Variants in SCN2A observed in about 807,000 individuals in gnomAD.
SCN2A encodes the protein sodium channel protein type 2 subunit alpha.
A neutral mutation model predicts 188.7 loss-of-function variants in SCN2A; 20 were observed. The observed-to-expected ratio is 0.11, with a 90% CI of 0.07 to 0.15. SCN2A has a LOEUF of 0.15. SCN2A is among the 10% of genes least tolerant of loss of function. The pLI is 1.00. For synonymous variants in SCN2A, 804 were observed against 833.1 expected, an observed-to-expected ratio of 0.97 and a Z score of 0.60; for missense variants, 1,278 against 2,445.0, an observed-to-expected ratio of 0.52 and a Z score of 10.07.
Position 165,314,001 on chromosome 2 carries a change from A to T in SCN2A, c.1276A>T (p.Met426Leu). ...AAATTTGATCTTGGCTGTGGTGGCC[A>T]TGGCCTATGAGGAACAGAATCAGGC... ...LINLILAVVA[M>L]AYEEQNQATL... The change falls in exon 10 of 27, where the codon ATG (methionine) becomes TTG (leucine). Residue 426 changes from methionine (M) to leucine (L), a missense_variant. By Grantham distance (15) the Met-to-Leu change is conservative (BLOSUM62 2). Transcript: ENST00000375437. The T allele has an allele frequency of 6.2e-7, 1 of 1,613,894 alleles. No individual in the cohort carries two copies. Among genetic ancestry groups the T allele is most frequent in the Non-Finnish European group, 8.5e-7 (1 of 1,179,832 alleles).
chr2:165,328,403 G>A, intron 13 of SCN2A: 1 of 832,526 alleles, frequency 1.2e-6, no homozygotes. Context: ...TGTCCCTCCA[G>A]GTAAATCTTT....
intron 15 of SCN2A, among the ~76,000 whole-genome samples, chr2:165,342,889 A>G (rs1329227703): frequency 6.6e-6 from 1 of 152,062 alleles, no homozygotes; most frequent in Admixed American, 6.5e-5. Flanking sequence ...GTCCCCGTAG[A>G]GGAAAGAGTT....
intron 1 of SCN2A, among the ~76,000 whole-genome samples, chr2:165,291,503 C>CTT (rs1444740926): frequency 1.0e-3 from 108 of 106,376 alleles, no homozygotes; most frequent in Non-Finnish European, 1.5e-3. Flanking sequence ...TTCTTTCTTT[C>CTT]TTTCTTTCTT....
At chr2:165,358,441 C>G (rs1048557659) in intron 17 of SCN2A, among the ~76,000 whole-genome samples, 8 of 152,096 alleles carry the variant, frequency 5.3e-5, no homozygotes, top group African/African-American at 1.7e-4. Flanking sequence ...TATTTATCTG[C>G]TTCATTTTAG....
chr2:165,389,875 T>A lies in SCN2A; in HGVS notation c.*51T>A. On this transcript the variant is annotated 3_prime_UTR_variant, in exon 27 of 27. Coordinates refer to ENST00000375437, the MANE Select transcript of SCN2A (RefSeq NM_001040142.2). The surrounding 1 kb of genome is among the most constrained non-coding windows in gnomAD (Gnocchi z 4.2). ...GTGATCAATTGTTTACAGCCCGTGA[T>A]GGTGATGTGTTTGTGTCAACAGGAC... is the stretch of plus-strand genomic sequence containing the variant. The A allele has an allele frequency of 6.5e-7, 1 of 1,545,896 alleles. No homozygotes were observed. Among genetic ancestry groups the A allele is most frequent in the South Asian group, 1.2e-5 (1 of 83,726 alleles).
chr2:165,247,737 T>C (rs1693909861), intron 1 of SCN2A, among the ~76,000 whole-genome samples: 1 of 152,218 alleles, frequency 6.6e-6, no homozygotes, highest in Non-Finnish European at 1.5e-5. Context: ...TGGCGTTAAA[T>C]GCCATATAAA....
At chr2:165,264,449 C>T (rs1694748606) in intron 1 of SCN2A, among the ~76,000 whole-genome samples, 2 of 151,996 alleles carry the variant, frequency 1.3e-5, no homozygotes, top group African/African-American at 2.4e-5. Flanking sequence ...AGGGACATAC[C>T]TTAAGGTAAT....
Position 165,390,163 on chromosome 2 carries a change from T to C in SCN2A, c.*339T>C. 4.0e-6 allele frequency: 1 copy of C among 252,380 alleles called. No homozygotes were observed. Among genetic ancestry groups the C allele is most frequent in the African/African-American group, 2.2e-5 (1 of 44,454 alleles). 15.6% of individuals were successfully genotyped at this position (252,380 alleles called of 1,614,324 possible). On this transcript the variant is annotated 3_prime_UTR_variant, in exon 27 of 27. Transcript: ENST00000375437. ...AAATTCAACATGTGACACTTGATAA[T>C]AGTAATTGTCACCAGTGTTTATGTT...
In SCN2A at chr2:165,320,869, C is replaced by T. The variant is rs1320383932; in HGVS notation, c.1672-2287C>T. Among the ~76,000 whole-genome samples, 48 of 152,162 alleles carry T rather than the reference C, an allele frequency of 3.2e-4. 1 individual carries two copies. The highest frequency in any genetic ancestry group is 1.9e-4 in the East Asian group (1 of 5,182). The stretch of plus-strand genomic sequence containing the variant: ...GCTGCTGCAAAGATCTCTGACATGC[C>T]CTGGAGACATTTTCTCCATTGTCTT... On this transcript the variant is annotated intron_variant, in intron 11 of 26. Transcript: ENST00000375437.
intron 13 of SCN2A, among the ~76,000 whole-genome samples, chr2:165,329,638 G>T (rs1047138690): frequency 6.6e-6 from 1 of 151,600 alleles, no homozygotes; most frequent in Non-Finnish European, 1.5e-5. Context: ...TTTGCTTCTC[G>T]TTATTTGCTA....
chr2:165,307,962 T>G, intron 4 of SCN2A, 25 bp downstream of exon 4: 1 of 1,446,072 alleles, frequency 6.9e-7, no homozygotes, highest in South Asian at 1.1e-5. Flanking sequence ...TTTTCAATAT[T>G]GACCTCCCTT....
chr2:165,323,157 C>A lies in SCN2A; in HGVS notation c.1673C>A (p.Ser558Tyr). 6.2e-7 allele frequency: 1 copy of A among 1,613,852 alleles called. No individual in the cohort carries two copies. Among genetic ancestry groups the A allele is most frequent in the Non-Finnish European group, 8.5e-7 (1 of 1,179,794 alleles). Residue 558 changes from serine to tyrosine, a missense_variant and splice_region_variant, in exon 12 of 27, where the codon TCC becomes TAC. This residue lies in a region of SCN2A where 315 missense variants were observed against 386.6 expected (regional missense o/e 0.81). Coordinates refer to ENST00000375437, the MANE Select transcript of SCN2A (RefSeq NM_001040142.2). ...TGTTTCTTCTCTTGTTATTCATAGT[C>A]CTTACTGAGCATCCGTGGCTCCCTT... ...YEKRFSSPHQ[S>Y]LLSIRGSLFS... is the part of the protein sequence containing the mutation.
At chr2:165,339,424 C>A (rs1056801863) in intron 14 of SCN2A, among the ~76,000 whole-genome samples, 3 of 150,676 alleles carry the variant, frequency 2.0e-5, no homozygotes, top group Admixed American at 6.6e-5. Flanking sequence ...GAAAAAAAAA[C>A]AAAACAAATA....
At chr2:165,306,155 T>C (rs1412984716) in intron 3 of SCN2A, among the ~76,000 whole-genome samples, 1 of 152,162 alleles carries the variant, frequency 6.6e-6, no homozygotes, top group Non-Finnish European at 1.5e-5. Flanking sequence ...GTCTCTTCTC[T>C]GTAAAGTAGA....
At chr2:165,283,056 T>C (rs1309786954) in intron 1 of SCN2A, among the ~76,000 whole-genome samples, 2 of 151,988 alleles carry the variant, frequency 1.3e-5, no homozygotes, top group African/African-American at 2.4e-5. Flanking sequence ...CAGAAGCAAA[T>C]CATAGAAGTA....
chr2:165,246,453 A>G (rs537251972), intron 1 of SCN2A, among the ~76,000 whole-genome samples: 22 of 152,108 alleles, frequency 1.4e-4, no homozygotes, highest in Non-Finnish European at 8.8e-5. Flanking sequence ...TCCTTCCTTC[A>G]TACATCCTAC....
rs1215326426 is a variant in SCN2A at position 165,344,580 on chromosome 2, C to T, written c.2588C>T (p.Ser863Phe). Residue 863 changes from serine to phenylalanine, a missense_variant, in exon 16 of 27, where the codon TCT (serine) becomes TTT (phenylalanine). Around this residue, in one of 17 missense-constraint regions of SCN2A, gnomAD observed 83 missense variants for 256.8 expected, o/e 0.32. Coordinates refer to ENST00000375437, the MANE Select transcript of SCN2A (RefSeq NM_001040142.2). ...RLLRVFKLAK[S>F]WPTLNMLIKI... ...CTCCGAGTTTTCAAGTTGGCAAAATCTTGGCCAACTCTAAATATGCTAATT... is the reference window on the plus strand; with the variant it reads ...CTCCGAGTTTTCAAGTTGGCAAAATTTTGGCCAACTCTAAATATGCTAATT... 6.2e-7 allele frequency: 1 copy of T among 1,614,058 alleles called. No homozygotes were observed. Among genetic ancestry groups the T allele is most frequent in the Non-Finnish European group, 8.5e-7 (1 of 1,179,968 alleles).
chr2:165,339,793 A>G (rs1181606151), intron 14 of SCN2A, among the ~76,000 whole-genome samples: 5 of 152,196 alleles, frequency 3.3e-5, no homozygotes, highest in Non-Finnish European at 7.4e-5. Flanking sequence ...TTTTCTTTGT[A>G]GAAATTGATG....
intron 13 of SCN2A, among the ~76,000 whole-genome samples, chr2:165,329,152 CCTT>C (rs1698536802): frequency 1.3e-5 from 2 of 151,908 alleles, no homozygotes; most frequent in African/African-American, 2.4e-5. Flanking sequence ...TTTTTGTTCT[CCTT>C]CTTTTTAACT....
Sources: gnomAD v4.1 joint callset for allele counts (sites outside exome capture counted in the v4.1 genomes callset) on GRCh38, gnomAD v4.1.1 for gene constraint, gnomAD v4.1.1 regional missense constraint, Gnocchi (gnomAD v3.1) non-coding constraint, MANE v1.5 for transcripts, NCBI Gene and HGNC (gene_info 2026-07-23, HGNC 2026-07-21) for gene names.